Variants in ABCC10 observed in about 807,000 individuals in gnomAD.
ABCC10 encodes ATP binding cassette subfamily C member 10.
A neutral mutation model predicts 143.2 loss-of-function variants in ABCC10; 110 were observed. That is an observed-to-expected ratio of 0.77 (90% CI 0.66 to 0.90). The LOEUF (loss-of-function observed/expected upper bound fraction) is 0.90. Ranked by LOEUF, ABCC10 falls within the 40% of genes least tolerant of loss-of-function variation. The probability of loss-of-function intolerance (pLI) is 0.00; values close to 1 mark genes in which losing one functional copy is unlikely to be tolerated. For missense variants in ABCC10, 1,700 were observed against 1,900.5 expected (o/e 0.89, Z 1.96); for synonymous variants, 805 against 846.7 (o/e 0.95, Z 0.85).
At position 43,443,154 on chromosome 6, in the gene ABCC10, G is replaced by A. The variant is rs767098942; in HGVS notation, c.2411G>A (p.Arg804Gln). 51 of 1,595,820 alleles carry A rather than the reference G, an allele frequency of 3.2e-5. No individual in the cohort carries two copies. The highest frequency in any genetic ancestry group is 8.0e-5 in the African/African-American group (6 of 74,612). Residue 804 changes from arginine to glutamine, a missense_variant, in exon 10 of 22, where the codon CGG becomes CAG. Physicochemically the swap from Arg to Gln is conservative, Grantham distance 43. Transcript: ENST00000372530. The surrounding 1 kb of genome is among the most constrained non-coding windows in gnomAD (Gnocchi z 4.2). Reference protein sequence around the residue: ...VLLMEAGRLIRAGPPSEILPL... With the variant: ...VLLMEAGRLIQAGPPSEILPL... ...CTGATGGAGGCCGGGCGCCTCATCC[G>A]GGCTGGTAATGGGGGCAGGAGCCCC...
At chr6:43,446,504 A>G in intron 16 of ABCC10, 58 bp downstream of exon 16, 1 of 1,559,152 alleles carries the variant, frequency 6.4e-7, no homozygotes, top group Non-Finnish European at 8.7e-7. Flanking sequence ...CCGCTCTCCC[A>G]GATCTCTCCC....
chr6:43,441,928 G>A lies in ABCC10; in HGVS notation c.2194G>A (p.Ala732Thr). 6.2e-7 allele frequency: 1 copy of A among 1,613,982 alleles called. No individual in the cohort carries two copies. The highest frequency in any genetic ancestry group is 8.5e-7 in the Non-Finnish European group (1 of 1,179,908). Reference sequence around the variant, plus strand: ...TGTCACCCTTAGCGGAGGACAGCGTGCCCGGATTGCCCTTGCTCGTGCTGT... The same window carrying A: ...TGTCACCCTTAGCGGAGGACAGCGTACCCGGATTGCCCTTGCTCGTGCTGT... Reference protein sequence around the residue: ...KGVTLSGGQRARIALARAVYQ... With the variant: ...KGVTLSGGQRTRIALARAVYQ... Residue 732 changes from alanine to threonine, a missense_variant, in exon 9 of 22, where the codon GCC becomes ACC. By Grantham distance (58) the Ala-to-Thr change is moderately conservative (BLOSUM62 0). Transcript: ENST00000372530.
Position 43,427,726 on chromosome 6 carries a change from G to A in ABCC10, c.-43G>A, listed in dbSNP as rs1014873256. On this transcript the variant is annotated 5_prime_UTR_variant, in exon 1 of 22. Coordinates refer to ENST00000372530, the MANE Select transcript of ABCC10 (RefSeq NM_001198934.2). Reference sequence around the variant, plus strand: ...TTTGAGGTTCCGGATGCCTGGGGGCGGAGAAACGGGAGGGGAAAAACAGAT... The same window carrying A: ...TTTGAGGTTCCGGATGCCTGGGGGCAGAGAAACGGGAGGGGAAAAACAGAT... 2 of 576,142 alleles carry A rather than the reference G, an allele frequency of 3.5e-6. No individual in the cohort carries two copies. The highest frequency in any genetic ancestry group is 4.7e-4 in the Middle Eastern group (1 of 2,142). The allele number at this position is 576,142 out of a possible 1,614,324, so 35.7% of individuals were successfully genotyped here. A position where few individuals can be genotyped will look rare whatever the true frequency, so the allele number is the denominator to read the frequency against.
chr6:43,451,884 TC>T (rs1783768602), downstream of ABCC10: 22 of 1,603,762 alleles, frequency 1.4e-5, no homozygotes, highest in Non-Finnish European at 1.9e-5. The surrounding 1 kb of genome is among the most constrained non-coding windows in gnomAD (Gnocchi z 4.4). Flanking sequence ...TCTTTTCTCA[TC>T]CCATCACCAG....
downstream of ABCC10, chr6:43,450,706 G>A (rs1720909935): frequency 6.2e-7 from 1 of 1,614,072 alleles, no homozygotes. The surrounding 1 kb of genome is among the most constrained non-coding windows in gnomAD (Gnocchi z 4.5). Context: ...CAGGCCCTCA[G>A]GGTCAGCAAC....
In ABCC10 at chr6:43,445,849, G is replaced by T. The variant is rs530304629; in HGVS notation, c.3281G>T (p.Arg1094Leu). ...HYRASSRELRRLGSLTLSPLY... is the reference protein window; with the variant it reads ...HYRASSRELRLLGSLTLSPLY... ...AGGGCCTCCTCACGGGAGCTGCGGC[G>T]CCTGGGCAGCCTCACCCTGTCTCCA... The change falls in exon 15 of 22, where the codon CGC becomes CTC. Residue 1094 changes from arginine (R) to leucine (L), a missense_variant. Arg to Leu is a moderately radical substitution (Grantham distance 102). Transcript: ENST00000372530. The T allele has an allele frequency of 2.5e-6, 4 of 1,614,074 alleles. No individual in the cohort carries two copies. In the African/African-American group the frequency reaches 5.3e-5, roughly 22 times the overall value.
In ABCC10 at chr6:43,449,537, A is replaced by G. The variant is rs1174279603; in HGVS notation, c.4316+3A>G. 6.2e-7 allele frequency: 1 copy of G among 1,610,902 alleles called. No homozygotes were observed. Among genetic ancestry groups the G allele is most frequent in the African/African-American group, 1.3e-5 (1 of 74,870 alleles). On this transcript the variant is annotated splice_donor_region_variant and intron_variant, in intron 21 of 21. Transcript: ENST00000372530. ...ACAGTGCTGACCATTGCCCATAGGT[A>G]TGTAAACGCCTGGTAACAGCCTAAT...
chr6:43,432,093 C>A (rs781409184), intron 2 of ABCC10, 49 bp from the exon 3 acceptor site: 1 of 1,595,948 alleles, frequency 6.3e-7, no homozygotes, highest in Non-Finnish European at 8.5e-7. Flanking sequence ...GTATGTCTGG[C>A]TCCTGAGTCA....
downstream of ABCC10, chr6:43,450,857 G>C: frequency 6.2e-7 from 1 of 1,614,192 alleles, no homozygotes; most frequent in Non-Finnish European, 8.5e-7. This position sits in a 1 kb window ranked among gnomAD's most constrained non-coding sequence, Gnocchi z 4.5. Flanking sequence ...CGCTGTGGGG[G>C]GCTGGCCCCG....
In ABCC10 at chr6:43,446,257, A is replaced by AT; in HGVS notation, c.3375-19dup. 6.2e-7 allele frequency: 1 copy of AT among 1,606,010 alleles called. No homozygotes were observed. The highest frequency in any genetic ancestry group is 8.5e-7 in the Non-Finnish European group (1 of 1,174,778). ...CAGGGCAACAGTGGAGTGGCTTCAC[A>AT]TCCCTCTGGCCTTCCCTAGGTTTGA... On this transcript the variant is annotated intron_variant, in intron 15 of 21. Transcript: ENST00000372530.
Position 43,447,708 on chromosome 6 carries a change from G to C in ABCC10, c.3730G>C (p.Gly1244Arg), listed in dbSNP as rs771655318. The C allele has an allele frequency of 3.7e-6, 6 of 1,614,020 alleles. 1 individual carries two copies. Among genetic ancestry groups the C allele is most frequent in the South Asian group, 3.3e-5 (3 of 91,082 alleles). ...LQLGTGWLTQ[G>R]GVEFQDVVLA... ...GCTGGGCACCGGCTGGCTGACCCAG[G>C]GGGGCGTGGAGTTCCAGGACGTGGT... Residue 1244 changes from glycine to arginine, a missense_variant, in exon 18 of 22, where the codon GGG becomes CGG. Gly to Arg is a moderately radical substitution (Grantham distance 125, BLOSUM62 -2). Transcript: ENST00000372530.
intron 16 of ABCC10, chr6:43,446,704 C>CCGT: frequency 1.0e-6 from 1 of 985,300 alleles, no homozygotes; most frequent in South Asian, 4.7e-5. Context: ...TGCTTCCACC[C>CCGT]CGTCCCCACC....
chr6:43,446,602 TGAG>T (rs1205910656), intron 16 of ABCC10, 156 bp downstream of exon 16: 17 of 985,230 alleles, frequency 1.7e-5, no homozygotes, highest in Non-Finnish European at 1.9e-5. Flanking sequence ...CGTTTGGAGT[TGAG>T]GAGACAATCC....
intron 7 of ABCC10, chr6:43,438,216 A>G: frequency 1.1e-6 from 1 of 919,630 alleles, no homozygotes; most frequent in South Asian, 1.7e-5. Context: ...AGTGTTTTAA[A>G]TGCTATAATA....
Position 43,437,990 on chromosome 6 carries a change from T to A in ABCC10, c.1932T>A (p.Ala644=). Residue 644 remains alanine, a synonymous_variant, in exon 7 of 22, where the codon GCT becomes GCA. Transcript: ENST00000372530. ...KVGCGKSSLL[A]AIAGELHRLR... The stretch of plus-strand genomic sequence containing the variant: ...GCTGTGGGAAGAGCTCCCTGCTGGC[T>A]GCCATCGCTGGAGAGCTCCACAGGT... 1 of 1,613,110 alleles carries A rather than the reference T, an allele frequency of 6.2e-7. No homozygotes were observed.
At chr6:43,436,311 G>C in intron 6 of ABCC10, 64 bp downstream of exon 6, 1 of 1,564,250 alleles carries the variant, frequency 6.4e-7, no homozygotes, top group Non-Finnish European at 8.7e-7. Flanking sequence ...ACTCATGTCA[G>C]AGAAGCAGTG....
rs771178618 is a variant in ABCC10 at position 43,445,570 on chromosome 6, C to T, written c.3031-29C>T. On this transcript the variant is annotated intron_variant, in intron 14 of 21. Coordinates refer to ENST00000372530, the MANE Select transcript of ABCC10 (RefSeq NM_001198934.2). ...CCAACCCCTCTTCTGCCAGACTCTG[C>T]CCTGGCCCAATCAGCGTCCTTCTCC... 4 of 1,596,728 alleles carry T rather than the reference C, an allele frequency of 2.5e-6. No individual in the cohort carries two copies. The East Asian group carries it at 6.7e-5, about 27-fold the overall frequency.
intron 1 of ABCC10, 32 bp downstream of exon 1, chr6:43,427,789 G>A (rs933791200): frequency 1.2e-5 from 8 of 668,486 alleles, no homozygotes; most frequent in Non-Finnish European, 2.1e-5. Context: ...ATCCACTGGG[G>A]AAACCTCCTC....
In ABCC10 at chr6:43,433,014, G is replaced by T. The variant is rs1478963703; in HGVS notation, c.1034G>T (p.Gly345Val). ...GGTGCTGTGCTGCAGAATCAGTATG[G>T]GTATGAGGTATATAAGGTAACACTT... Reference protein sequence around the residue: ...VLGAVLQNQYGYEVYKVTLQA... With the variant: ...VLGAVLQNQYVYEVYKVTLQA... The change falls in exon 3 of 22, where the codon GGG becomes GTG. Residue 345 changes from glycine to valine, a missense_variant. Transcript: ENST00000372530. 8.1e-6 allele frequency: 13 copies of T among 1,614,026 alleles called. No homozygotes were observed. Among genetic ancestry groups the T allele is most frequent in the Non-Finnish European group, 1.0e-5 (12 of 1,180,024 alleles).
Sources: allele counts gnomAD v4.1 joint callset, GRCh38; gene constraint gnomAD v4.1.1; non-coding constraint Gnocchi (gnomAD v3.1); transcripts MANE v1.5; gene names NCBI Gene and HGNC (gene_info 2026-07-23, HGNC 2026-07-21).